PKHD1L1: variants seen among roughly 807,000 people sequenced by gnomAD.
PKHD1L1 encodes the protein fibrocystin-L.
PKHD1L1 carries 434 observed loss-of-function variants against 462.9 expected under a neutral mutation model. The ratio of observed to expected loss-of-function variants is 0.94; its 90% CI spans 0.87 to 1.02. PKHD1L1 has a LOEUF of 1.02. Among genes scored for constraint, PKHD1L1 ranks in the 50% least tolerant of loss-of-function variants. The probability of loss-of-function intolerance (pLI) is 0.00; values close to 1 mark genes in which losing one functional copy is unlikely to be tolerated. For missense variants in PKHD1L1, 5,202 were observed against 5,096.1 expected, an observed-to-expected ratio of 1.02 and a Z score of -0.63; for synonymous variants, 1,781 against 1,750.0, an observed-to-expected ratio of 1.02 and a Z score of -0.44.
At position 109,475,155 on chromosome 8, in the gene PKHD1L1, T is replaced by A. The variant is rs1303418010; in HGVS notation, c.8643T>A (p.Thr2881=). The change falls in exon 51 of 78, where the codon ACT becomes ACA. Residue 2881 remains threonine, a synonymous_variant. Coordinates refer to ENST00000378402, the MANE Select transcript of PKHD1L1 (RefSeq NM_177531.6). ...TTCCATTTCAGAAGAAACGACTGAC[T>A]CATATGTCTGGATGGATGGCTCTGA... ...SIIPFQKKRL[T]HMSGWMALIP... The A allele has an allele frequency of 6.2e-7, 1 of 1,611,712 alleles. No individual in the cohort carries two copies. Among genetic ancestry groups the A allele is most frequent in the Non-Finnish European group, 8.5e-7 (1 of 1,178,984 alleles).
rs184411860 is a variant in PKHD1L1, at chr8:109,462,956, A to G, written c.7383+1048A>G. 9.5e-4 allele frequency among the ~76,000 whole-genome samples: 145 copies of G among 152,136 alleles called. 1 individual carries two copies. Among genetic ancestry groups the G allele is most frequent in the African/African-American group, 3.0e-3 (126 of 41,520 alleles). ...TATCGCTCCAGAGAGGACTTTTCTC[A>G]CCACTGTTATTTAAAATTGCCACCC... is the stretch of plus-strand genomic sequence containing the variant. On this transcript the variant is annotated intron_variant, in intron 48 of 77. Coordinates refer to ENST00000378402, the MANE Select transcript of PKHD1L1 (RefSeq NM_177531.6).
intron 42 of PKHD1L1, 74 bp downstream of exon 42, chr8:109,452,354 T>A (rs1319112104): frequency 7.6e-7 from 1 of 1,318,736 alleles, no homozygotes; most frequent in East Asian, 2.7e-5. Flanking sequence ...AATTGGTAAT[T>A]GTTGTTTTAC....
chr8:109,518,474 C>A lies in PKHD1L1; in HGVS notation c.11997C>A (p.Asp3999Glu). ...MGFIIEIEIGDPPIQFISNGT... is the reference protein window; with the variant it reads ...MGFIIEIEIGEPPIQFISNGT... ...TCATAATTGAAATAGAGATTGGAGA[C>A]CCTCCTATTCAGTTCATAAGCAATG... Residue 3999 changes from aspartate to glutamate, a missense_variant, in exon 73 of 78, where the codon GAC becomes GAA. This residue lies in a region of PKHD1L1 where 698 missense variants were observed against 736.3 expected (regional missense o/e 0.95). Coordinates refer to ENST00000378402, the MANE Select transcript of PKHD1L1 (RefSeq NM_177531.6). 3 of 1,604,754 alleles carry A rather than the reference C, an allele frequency of 1.9e-6. No homozygotes were observed. The highest frequency in any genetic ancestry group is 1.7e-6 in the Non-Finnish European group (2 of 1,179,126).
At chr8:109,457,114 T>C (rs1368756547) in intron 46 of PKHD1L1, among the ~76,000 whole-genome samples, 1 of 152,112 alleles carries the variant, frequency 6.6e-6, no homozygotes, top group African/African-American at 2.4e-5. Context: ...TTATAGATAA[T>C]AGTAAAATTG....
intron 3 of PKHD1L1, among the ~76,000 whole-genome samples, chr8:109,382,007 T>C (rs2130417636): frequency 6.6e-6 from 1 of 152,186 alleles, no homozygotes; most frequent in South Asian, 2.1e-4. Context: ...AATATTGAAC[T>C]TAGAAACAGA....
intron 24 of PKHD1L1, among the ~76,000 whole-genome samples, chr8:109,426,461 T>C (rs1393021429): frequency 6.6e-6 from 1 of 151,836 alleles, no homozygotes; most frequent in Non-Finnish European, 1.5e-5. Context: ...TTAAAAATAA[T>C]TATTTATTAT....
intron 42 of PKHD1L1, 23 bp downstream of exon 42, chr8:109,452,303 T>C (rs967821826): frequency 2.0e-6 from 3 of 1,518,068 alleles, no homozygotes; most frequent in Admixed American, 2.0e-5. Flanking sequence ...TTGGGTATAG[T>C]AATCACAGCA....
rs568626443 is a variant in PKHD1L1, at chr8:109,453,241, T to C, written c.6664+367T>C. On this transcript the variant is annotated intron_variant, in intron 43 of 77. Transcript: ENST00000378402. ...CACAACAAAAAAGGTATTTTCCACTTTGAAAAACACTGATGTAGTGGGTCC... is the reference window on the plus strand; with the variant it reads ...CACAACAAAAAAGGTATTTTCCACTCTGAAAAACACTGATGTAGTGGGTCC... Among the ~76,000 whole-genome samples, 23 of 152,266 alleles carry C rather than the reference T, an allele frequency of 1.5e-4. No homozygotes were observed. In the South Asian group the frequency reaches 4.1e-3, roughly 27 times the overall value.
At chr8:109,518,079 C>A in intron 72 of PKHD1L1, 88 bp from the exon 73 acceptor site, 2 of 875,472 alleles carry the variant, frequency 2.3e-6, no homozygotes, top group Non-Finnish European at 1.7e-6. Flanking sequence ...GGGGGACTTT[C>A]TAAATTCAAA....
chr8:109,513,462 A>G (rs952962613), intron 71 of PKHD1L1, among the ~76,000 whole-genome samples: 15 of 152,272 alleles, frequency 9.9e-5, no homozygotes, highest in South Asian at 8.3e-4. Flanking sequence ...ATCTTCAATA[A>G]TGTCAAGTCT....
chr8:109,473,263 G>A (rs1276812545), intron 50 of PKHD1L1, among the ~76,000 whole-genome samples: 2 of 152,140 alleles, frequency 1.3e-5, no homozygotes, highest in Non-Finnish European at 2.9e-5. Flanking sequence ...TGTAATCCTA[G>A]CCCTTTGGGG....
At position 109,485,034 on chromosome 8, in the gene PKHD1L1, T is replaced by G. The variant is rs1818456294; in HGVS notation, c.9577-10T>G. ...ATTGTTCTTAAATTTGGCACTTGAA[T>G]TTTTCTAAGGAGGGAGAAGAGATTG... On this transcript the variant is annotated splice_polypyrimidine_tract_variant and intron_variant, in intron 57 of 77. Coordinates refer to ENST00000378402, the MANE Select transcript of PKHD1L1 (RefSeq NM_177531.6). 1 of 1,562,492 alleles carries G rather than the reference T, an allele frequency of 6.4e-7. No individual in the cohort carries two copies. The highest frequency in any genetic ancestry group is 1.7e-4 in the Middle Eastern group (1 of 5,792).
At chr8:109,446,605 A>G (rs1816156424) in intron 38 of PKHD1L1, among the ~76,000 whole-genome samples, 1 of 152,184 alleles carries the variant, frequency 6.6e-6, no homozygotes, top group Non-Finnish European at 1.5e-5. Context: ...CTTCTTTAAT[A>G]TGTCAAATTT....
At chr8:109,473,146 T>C (rs1056012607) in intron 50 of PKHD1L1, among the ~76,000 whole-genome samples, 1 of 152,106 alleles carries the variant, frequency 6.6e-6, no homozygotes, top group Non-Finnish European at 1.5e-5. Context: ...CTTAAAAAAA[T>C]GGAAATTTGT....
chr8:109,461,555 A>G (rs1254432696), intron 47 of PKHD1L1, among the ~76,000 whole-genome samples: 1 of 152,186 alleles, frequency 6.6e-6, no homozygotes, highest in Non-Finnish European at 1.5e-5. Flanking sequence ...TCTGAAAAAT[A>G]CTGTATAAGT....
intron 27 of PKHD1L1, 60 bp downstream of exon 27, chr8:109,430,097 C>T (rs1023452726): frequency 2.9e-6 from 3 of 1,041,202 alleles, no homozygotes; most frequent in Non-Finnish European, 4.3e-6. Context: ...AATGTAAACT[C>T]TGATAATGAC....
At chr8:109,457,909 A>G (rs1205466208) in intron 46 of PKHD1L1, among the ~76,000 whole-genome samples, 3 of 152,030 alleles carry the variant, frequency 2.0e-5, no homozygotes, top group Non-Finnish European at 4.4e-5. Flanking sequence ...GAGATCTTGT[A>G]CCACTGGTTC....
chr8:109,512,262 T>C lies in PKHD1L1; in HGVS notation c.11553+1328T>C, dbSNP rs572040490. Among the ~76,000 whole-genome samples, 6 of 151,594 alleles carry C rather than the reference T, an allele frequency of 4.0e-5. No individual in the cohort carries two copies. In the East Asian group the frequency reaches 5.8e-4, roughly 15 times the overall value. ...TGCTTTTGGTGTTTTAGACATGAAGTCCTTGCCCATGTCTATGTCCTGAAT... is the reference window on the plus strand; with the variant it reads ...TGCTTTTGGTGTTTTAGACATGAAGCCCTTGCCCATGTCTATGTCCTGAAT... On this transcript the variant is annotated intron_variant, in intron 71 of 77. Coordinates refer to ENST00000378402, the MANE Select transcript of PKHD1L1 (RefSeq NM_177531.6).
chr8:109,422,219 T>TTG (rs139437553), intron 23 of PKHD1L1, among the ~76,000 whole-genome samples: 11 of 148,896 alleles, frequency 7.4e-5, no homozygotes, highest in South Asian at 2.1e-4. Flanking sequence ...TTTTCCAGGG[T>TTG]TGTGTGTGTG....
Sources: allele counts gnomAD v4.1 joint callset (sites outside exome capture counted in the v4.1 genomes callset), GRCh38; gene constraint gnomAD v4.1.1; regional missense constraint gnomAD v4.1.1; transcripts MANE v1.5; gene names NCBI Gene and HGNC (gene_info 2026-07-23, HGNC 2026-07-21).